LMOD1: variants seen among roughly 807,000 people sequenced by gnomAD.
LMOD1 encodes leiomodin 1.
In LMOD1, 8 loss-of-function variants were observed where a neutral mutation model predicts 36.5. That is an observed-to-expected ratio of 0.22 (90% CI 0.13 to 0.40). LMOD1 has a LOEUF of 0.40. Among genes scored for constraint, LMOD1 ranks in the 10% least tolerant of loss-of-function variants. The pLI, the probability that LMOD1 is intolerant of heterozygous loss-of-function variation, is 1.00. For missense variants in LMOD1, 630 were observed against 751.1 expected (o/e 0.84, Z 1.88); for synonymous variants, 284 against 288.7 (o/e 0.98, Z 0.17).
chr1:201,928,091 G>T (rs1458431568), intron 1 of LMOD1, among the ~76,000 whole-genome samples: 2 of 152,168 alleles, frequency 1.3e-5, no homozygotes, highest in Non-Finnish European at 2.9e-5. Flanking sequence ...CTACTGCCAT[G>T]GATTGGATAA....
chr1:201,919,836 CT>C (rs1293447592), intron 1 of LMOD1, among the ~76,000 whole-genome samples: 1 of 152,142 alleles, frequency 6.6e-6, no homozygotes, highest in African/African-American at 2.4e-5. Flanking sequence ...GCAGAACTCT[CT>C]GGTATCCTAC....
At chr1:201,943,773 C>G (rs1682158390) in intron 1 of LMOD1, among the ~76,000 whole-genome samples, 1 of 152,162 alleles carries the variant, frequency 6.6e-6, no homozygotes, top group Non-Finnish European at 1.5e-5. Flanking sequence ...TCTACCGCAG[C>G]ACCGCTTTTA....
chr1:201,923,380 A>AT (rs543895448), intron 1 of LMOD1, among the ~76,000 whole-genome samples: 81 of 152,204 alleles, frequency 5.3e-4, no homozygotes, highest in South Asian at 1.5e-3. Context: ...GGGACAGATT[A>AT]TTTTTTCTAT....
chr1:201,901,920 T>C (rs966634937), intron 1 of LMOD1, among the ~76,000 whole-genome samples: 1 of 148,300 alleles, frequency 6.7e-6, no homozygotes, highest in Non-Finnish European at 1.5e-5. Flanking sequence ...ATTTTACCAA[T>C]TAAGGATATT....
At chr1:201,918,203 C>T (rs1681641400) in intron 1 of LMOD1, among the ~76,000 whole-genome samples, 1 of 152,186 alleles carries the variant, frequency 6.6e-6, no homozygotes, top group East Asian at 1.9e-4. Flanking sequence ...AGCCTTGACG[C>T]TTCCTTTTTC....
chr1:201,946,197 C>A lies in LMOD1; in HGVS notation c.144G>T (p.Gly48=). ...VVDPDGSVPV[G]LRQRNQTEKQ... ...TCTCCGTCTGGTTTCTCTGCCGCAG[C>A]CCCACGGGAACACTCCCGTCTGGGT... Residue 48 remains glycine, a synonymous_variant, in exon 1 of 3, where the codon GGG becomes GGT. Coordinates refer to ENST00000367288, the MANE Select transcript of LMOD1 (RefSeq NM_012134.3). 1 of 1,614,048 alleles carries A rather than the reference C, an allele frequency of 6.2e-7. No individual in the cohort carries two copies. The highest frequency in any genetic ancestry group is 8.5e-7 in the Non-Finnish European group (1 of 1,179,898).
At chr1:201,935,332 T>C (rs2102929092) in intron 1 of LMOD1, among the ~76,000 whole-genome samples, 1 of 151,912 alleles carries the variant, frequency 6.6e-6, no homozygotes, top group South Asian at 2.1e-4. Flanking sequence ...TTTTTTTTTT[T>C]TTTGAGACAA....
chr1:201,929,374 G>A (rs943660743), intron 1 of LMOD1, among the ~76,000 whole-genome samples: 3 of 152,040 alleles, frequency 2.0e-5, no homozygotes, highest in East Asian at 1.9e-4. Context: ...GAGCCACCAC[G>A]CCTGGCAAGT....
chr1:201,910,540 T>C (rs1313450924), intron 1 of LMOD1, among the ~76,000 whole-genome samples: 1 of 152,070 alleles, frequency 6.6e-6, no homozygotes, highest in Non-Finnish European at 1.5e-5. Context: ...TGCCTCAGCC[T>C]CCCAAAGTGC....
intron 1 of LMOD1, among the ~76,000 whole-genome samples, chr1:201,930,082 A>G (rs576465997): frequency 2.0e-4 from 31 of 152,296 alleles, no homozygotes; most frequent in African/African-American, 6.0e-4. Context: ...GCTCTGGAGA[A>G]CCAATGGTCA....
chr1:201,899,965 G>A lies in LMOD1; in HGVS notation c.1048C>T (p.Arg350Trp), dbSNP rs763440069. 21 of 1,613,788 alleles carry A rather than the reference G, an allele frequency of 1.3e-5. No homozygotes were observed. Among genetic ancestry groups the A allele is most frequent in the Admixed American group, 1.7e-5 (1 of 59,994 alleles). The part of the protein sequence containing the change: ...SDCITNEILV[R>W]FTEALEFNTV... ...TTGAACTCCAGAGCCTCAGTAAACC[G>A]GACCAAGATCTCATTTGTGATGCAG... Residue 350 changes from arginine (R) to tryptophan (W), a missense_variant, in exon 2 of 3, where the codon CGG becomes TGG. By Grantham distance (101) the Arg-to-Trp change is moderately radical. Transcript: ENST00000367288. This position sits in a 1 kb window ranked among gnomAD's most constrained non-coding sequence, Gnocchi z 6.3.
intron 1 of LMOD1, among the ~76,000 whole-genome samples, chr1:201,911,272 G>T (rs1296667382): frequency 6.6e-6 from 1 of 152,184 alleles, no homozygotes; most frequent in Non-Finnish European, 1.5e-5. Context: ...TTTCATGCCA[G>T]ACTGAGAGGA....
chr1:201,931,515 G>A lies in LMOD1; in HGVS notation c.261+14565C>T, dbSNP rs546441878. On this transcript the variant is annotated intron_variant, in intron 1 of 2. Coordinates refer to ENST00000367288, the MANE Select transcript of LMOD1 (RefSeq NM_012134.3). The stretch of plus-strand genomic sequence containing the variant: ...ATGGTGCCACTGCACTCCAGCCTGG[G>A]CGACATAATGAGACTCTGTCAAAAA... Among the ~76,000 whole-genome samples, 11 of 144,598 alleles carry A rather than the reference G, an allele frequency of 7.6e-5. No homozygotes were observed. In the South Asian group the frequency reaches 2.1e-3, roughly 27 times the overall value. 94.9% of individuals were successfully genotyped at this position (144,598 alleles called of 152,430 possible).
Position 201,900,540 on chromosome 1 carries a change from A to G in LMOD1, c.473T>C (p.Ile158Thr). ...TGCAGCCCTGACCCGGCCCTTGTCA[A>G]TGCCCCGGATGATCTTCTCCTCCTT... Reference protein sequence around the residue: ...KPKEEKIIRGIDKGRVRAAVD... With the variant: ...KPKEEKIIRGTDKGRVRAAVD... Residue 158 changes from isoleucine (I) to threonine (T), a missense_variant, in exon 2 of 3, where the codon ATT becomes ACT. Around this residue, in one of 3 missense-constraint regions of LMOD1, gnomAD observed 405 missense variants for 400.6 expected, o/e 1.01. Transcript: ENST00000367288. The G allele has an allele frequency of 6.2e-7, 1 of 1,613,122 alleles. No homozygotes were observed.
chr1:201,940,649 G>A (rs1354644182), intron 1 of LMOD1, among the ~76,000 whole-genome samples: 4 of 146,052 alleles, frequency 2.7e-5, no homozygotes, highest in Admixed American at 6.9e-5. Context: ...GCAGTGGCTC[G>A]ATCTCAGCTC....
At chr1:201,901,639 T>C (rs1571574245) in intron 1 of LMOD1, among the ~76,000 whole-genome samples, 5 of 79,246 alleles carry the variant, frequency 6.3e-5, no homozygotes, top group South Asian at 4.0e-4. Context: ...TGTATATATA[T>C]ATATATATAC....
intron 1 of LMOD1, among the ~76,000 whole-genome samples, chr1:201,930,083 C>T (rs1458511324): frequency 6.6e-6 from 1 of 152,104 alleles, no homozygotes; most frequent in Non-Finnish European, 1.5e-5. Flanking sequence ...CTCTGGAGAA[C>T]CAATGGTCAA....
At position 201,899,051 on chromosome 1, in the gene LMOD1, A is replaced by C; in HGVS notation, c.1776+186T>G. 1 of 555,556 alleles carries C rather than the reference A, an allele frequency of 1.8e-6. No individual in the cohort carries two copies. The highest frequency in any genetic ancestry group is 3.2e-6 in the Non-Finnish European group (1 of 316,202). 34.4% of individuals were successfully genotyped at this position (555,556 alleles called of 1,614,324 possible). A position where few individuals can be genotyped will look rare whatever the true frequency, so the allele number is the denominator to read the frequency against. ...GTAGAGTCTCAGCTCTAGGGGATATACAGGTGTGACCTGCCTGCAGGCAGG... is the reference window on the plus strand; with the variant it reads ...GTAGAGTCTCAGCTCTAGGGGATATCCAGGTGTGACCTGCCTGCAGGCAGG... On this transcript the variant is annotated intron_variant, in intron 2 of 2. Coordinates refer to ENST00000367288, the MANE Select transcript of LMOD1 (RefSeq NM_012134.3). The surrounding 1 kb of genome is among the most constrained non-coding windows in gnomAD (Gnocchi z 6.3).
chr1:201,910,792 T>C (rs1271656918), intron 1 of LMOD1, among the ~76,000 whole-genome samples: 8 of 125,818 alleles, frequency 6.4e-5, no homozygotes, highest in Non-Finnish European at 1.3e-4. Context: ...TCTCAGTCTG[T>C]CACCCAGACT....
Sources: gnomAD v4.1 joint callset for allele counts (sites outside exome capture counted in the v4.1 genomes callset) on GRCh38, gnomAD v4.1.1 for gene constraint, gnomAD v4.1.1 regional missense constraint, Gnocchi (gnomAD v3.1) non-coding constraint, MANE v1.5 for transcripts, NCBI Gene and HGNC (gene_info 2026-07-23, HGNC 2026-07-21) for gene names.